CCDC171: variants seen among roughly 807,000 people sequenced by gnomAD.
CCDC171 encodes the protein coiled-coil domain-containing protein 171.
A neutral mutation model predicts 168.2 loss-of-function variants in CCDC171; 177 were observed. That is an observed-to-expected ratio of 1.05 (90% CI 0.93 to 1.19). CCDC171 has a LOEUF of 1.19. Ranked by LOEUF, CCDC171 falls within the 50% of genes most tolerant of loss-of-function variation. The pLI is 0.00. For missense variants in CCDC171, 1,991 were observed against 1,539.0 expected (o/e 1.29, Z -4.91); for synonymous variants, 687 against 540.8 (o/e 1.27, Z -3.75).
chr9:16,103,163 G>T, the CCDC171 span, among the ~76,000 whole-genome samples: 1,576 of 152,278 alleles, frequency 0.01, 31 homozygotes, highest in African/African-American at 0.036. Context: ...AAAGAGCTGT[G>T]CAATCCTGGT....
chr9:15,784,451 A>G, intron 20 of CCDC171, 58 bp from the exon 21 acceptor site: 1 of 1,121,754 alleles, frequency 8.9e-7, no homozygotes, highest in South Asian at 1.6e-5. Flanking sequence ...TGAAGGTGAA[A>G]TGATACAACA....
rs1223090737 is a variant in CCDC171, at chr9:15,818,695, G to A, written c.3268-28007G>A. ...CCTCCAAGAAATATGGGACTATGTG[G>A]AAAGACCACATCTACGTCTGATTGG... On this transcript the variant is annotated intron_variant, in intron 21 of 25. Transcript: ENST00000380701. Among the ~76,000 whole-genome samples, 16 of 117,766 alleles carry A rather than the reference G, an allele frequency of 1.4e-4. 6 individuals carry two copies. Among genetic ancestry groups the A allele is most frequent in the Non-Finnish European group, 2.7e-4 (14 of 52,396 alleles). The allele number at this position is 117,766 out of a possible 152,430, so 77.3% of individuals were successfully genotyped here. A position where few individuals can be genotyped will look rare whatever the true frequency, so the allele number is the denominator to read the frequency against.
chr9:16,064,547 T>C (rs1172242511), downstream of CCDC171, among the ~76,000 whole-genome samples: 2 of 152,192 alleles, frequency 1.3e-5, no homozygotes, highest in African/African-American at 4.8e-5. Context: ...TTTTGGCTGA[T>C]TCTTTTTAGG....
chr9:15,843,145 C>G lies in CCDC171; in HGVS notation c.3268-3557C>G, dbSNP rs186517778. ...AAGTGAAAGCATTGGTTTTTTCTTC[C>G]TTAACAGAGAAAATGAAGGTAAGCA... On this transcript the variant is annotated intron_variant, in intron 21 of 25. Coordinates refer to ENST00000380701, the MANE Select transcript of CCDC171 (RefSeq NM_173550.4). 3.3e-5 allele frequency among the ~76,000 whole-genome samples: 5 copies of G among 151,600 alleles called. No homozygotes were observed. In the East Asian group the frequency reaches 7.7e-4, roughly 23 times the overall value.
rs200975421 is a variant in CCDC171 at position 15,648,927 on chromosome 9, A to C, written c.823-8200A>C. ...AAGTTCATATGAAACCAGAAAAGAG[A>C]CCGCATTGCCAAGACAATCCTAAGC... On this transcript the variant is annotated intron_variant, in intron 7 of 25. Coordinates refer to ENST00000380701, the MANE Select transcript of CCDC171 (RefSeq NM_173550.4). Among the ~76,000 whole-genome samples, 12 of 152,298 alleles carry C rather than the reference A, an allele frequency of 7.9e-5. No individual in the cohort carries two copies. The East Asian group carries it at 1.5e-3, about 20-fold the overall frequency.
chr9:15,924,257 T>C (rs985798803), intron 25 of CCDC171, among the ~76,000 whole-genome samples: 4 of 151,326 alleles, frequency 2.6e-5, no homozygotes, highest in Non-Finnish European at 4.4e-5. Context: ...CAGTTAATAG[T>C]GTGTGCCATA....
chr9:15,650,402 AAAAAG>A (rs1315080611), intron 7 of CCDC171, among the ~76,000 whole-genome samples: 10 of 152,332 alleles, frequency 6.6e-5, no homozygotes, highest in African/African-American at 2.4e-4. Context: ...GTATAATAAA[AAAAAG>A]AAAAAAAATA....
At chr9:16,078,216 A>C in the CCDC171 span, among the ~76,000 whole-genome samples, 1 of 152,178 alleles carries the variant, frequency 6.6e-6, no homozygotes, top group Admixed American at 6.5e-5. Flanking sequence ...TTCTACCTCA[A>C]TAAAGCTGGG....
intron 25 of CCDC171, among the ~76,000 whole-genome samples, chr9:15,932,461 A>G (rs1215272284): frequency 6.6e-6 from 1 of 151,858 alleles, no homozygotes; most frequent in East Asian, 1.9e-4. Context: ...TTGATATTAT[A>G]TCCTGCAACT....
rs1020467856 is a variant in CCDC171, at chr9:15,817,391, C to T, written c.3268-29311C>T. ...GCAGCAAGCATGAGCCGAAGCAGGGCGAGGCATTGCGTCACCCGGGAAGCA... is the reference window on the plus strand; with the variant it reads ...GCAGCAAGCATGAGCCGAAGCAGGGTGAGGCATTGCGTCACCCGGGAAGCA... On this transcript the variant is annotated intron_variant, in intron 21 of 25. Transcript: ENST00000380701. 4.2e-4 allele frequency among the ~76,000 whole-genome samples: 49 copies of T among 117,784 alleles called. 18 individuals are homozygous for T. Among genetic ancestry groups the T allele is most frequent in the African/African-American group, 1.4e-3 (44 of 31,444 alleles). 77.3% of individuals were successfully genotyped at this position (117,784 alleles called of 152,430 possible).
At chr9:15,564,293 G>T (rs2039548794) in intron 2 of CCDC171, among the ~76,000 whole-genome samples, 164 bp downstream of exon 2, 1 of 152,204 alleles carries the variant, frequency 6.6e-6, no homozygotes. Context: ...ATAAGAATTG[G>T]AACTGATTCT....
chr9:15,984,105 G>C (rs1203174070), intron 3 of CCDC171, among the ~76,000 whole-genome samples: 1 of 152,284 alleles, frequency 6.6e-6, no homozygotes, highest in East Asian at 1.9e-4. Context: ...GAAATATAGA[G>C]CCCAGGTGGG....
intron 1 of CCDC171, among the ~76,000 whole-genome samples, chr9:16,054,670 A>G (rs1833805309): frequency 6.6e-6 from 1 of 152,240 alleles, no homozygotes; most frequent in Non-Finnish European, 1.5e-5. Flanking sequence ...TTTTTAATGT[A>G]AAAAGCCATT....
intron 5 of CCDC171, among the ~76,000 whole-genome samples, chr9:15,592,862 G>A (rs1587233521): frequency 6.6e-6 from 1 of 151,782 alleles, no homozygotes; most frequent in Non-Finnish European, 1.5e-5. Context: ...GGCTTTTTTT[G>A]TTTTTATTTT....
chr9:15,846,636 C>T, intron 21 of CCDC171, 66 bp from the exon 22 acceptor site: 3 of 1,501,578 alleles, frequency 2.0e-6, no homozygotes, highest in Non-Finnish European at 2.8e-6. Context: ...TGTTTAATAG[C>T]CTATGGCATA....
intron 24 of CCDC171, among the ~76,000 whole-genome samples, chr9:15,900,581 G>T (rs573446026): frequency 6.6e-6 from 1 of 152,260 alleles, no homozygotes; most frequent in South Asian, 2.1e-4. Context: ...TAATAAATTT[G>T]TGTTGTTCTA....
At chr9:16,052,256 T>C (rs556584757) in intron 1 of CCDC171, among the ~76,000 whole-genome samples, 1 of 152,276 alleles carries the variant, frequency 6.6e-6, no homozygotes, top group Admixed American at 6.5e-5. Flanking sequence ...GAGGCCCTCT[T>C]GGTCCTGGTG....
intron 21 of CCDC171, among the ~76,000 whole-genome samples, chr9:15,812,254 T>A (rs970443035): frequency 3.9e-5 from 6 of 152,182 alleles, no homozygotes; most frequent in Non-Finnish European, 8.8e-5. Flanking sequence ...TTAGATGGCT[T>A]CAAGGAAACC....
At chr9:15,619,474 C>T (rs2044342523) in intron 6 of CCDC171, among the ~76,000 whole-genome samples, 1 of 152,132 alleles carries the variant, frequency 6.6e-6, no homozygotes, top group Non-Finnish European at 1.5e-5. Flanking sequence ...TCCCTTAAGT[C>T]AAAGCCTAAT....
Sources: gnomAD v4.1 joint callset for allele counts (sites outside exome capture counted in the v4.1 genomes callset) on GRCh38, gnomAD v4.1.1 for gene constraint, MANE v1.5 for transcripts, NCBI Gene and HGNC (gene_info 2026-07-23, HGNC 2026-07-21) for gene names.